Variants in KNDC1 observed in about 807,000 individuals in gnomAD.
The protein encoded by KNDC1 is kinase non-catalytic C-lobe domain-containing protein 1.
KNDC1 carries 106 observed loss-of-function variants against 172.8 expected under a neutral mutation model. The observed-to-expected ratio is 0.61, with a 90% CI of 0.52 to 0.72. KNDC1 has a LOEUF of 0.72. KNDC1 is among the 30% of genes least tolerant of loss of function. The pLI, the probability that KNDC1 is intolerant of heterozygous loss-of-function variation, is 0.00. For missense variants in KNDC1, 2,325 were observed against 2,394.5 expected (o/e 0.97, Z 0.61); for synonymous variants, 1,083 against 1,062.2 (o/e 1.02, Z -0.38).
At chr10:133,202,651 T>G (rs976735663) in intron 17 of KNDC1, 5 of 456,672 alleles carry the variant, frequency 1.1e-5, no homozygotes, top group Middle Eastern at 3.3e-4. Flanking sequence ...ATCGGAGCCC[T>G]TCCTGGGGCT....
At chr10:133,204,767 C>T (rs1486851347) in intron 17 of KNDC1, among the ~76,000 whole-genome samples, 3 of 152,342 alleles carry the variant, frequency 2.0e-5, no homozygotes, top group African/African-American at 4.8e-5. Context: ...GAGCCAACCG[C>T]ACTTCACAAA....
chr10:133,189,634 A>T lies in KNDC1; in HGVS notation c.1478A>T (p.Asp493Val), dbSNP rs775656852. ...CTGGACTCCGTGCTGGTTGCTGAGG[A>T]CGGGGCTGTGCTCTTCCAGCCACCC... ...LCLDSVLVAE[D>V]GAVLFQPPPA... The change falls in exon 8 of 30, where the codon GAC becomes GTC. Residue 493 changes from aspartate to valine, a missense_variant. Asp to Val is a radical substitution (Grantham distance 152). Transcript: ENST00000304613. The T allele has an allele frequency of 1.9e-6, 3 of 1,613,576 alleles. No individual in the cohort carries two copies. The highest frequency in any genetic ancestry group is 2.5e-6 in the Non-Finnish European group (3 of 1,179,950).
rs776771830 is a variant in KNDC1 at position 133,186,191 on chromosome 10, C to T, written c.843C>T (p.Leu281=). 1.7e-5 allele frequency: 27 copies of T among 1,572,580 alleles called. No individual in the cohort carries two copies. In the Admixed American group the frequency reaches 2.7e-4, roughly 16 times the overall value. The change falls in exon 6 of 30, where the codon CTC becomes CTT. Residue 281 remains leucine (L), a synonymous_variant. Coordinates refer to ENST00000304613, the MANE Select transcript of KNDC1 (RefSeq NM_152643.8). ...ACAGCCGGGAGGGGCTGGCCGGCCTCGTCCTGGATGCCGAGCGCACCCTCG... is the reference window on the plus strand; with the variant it reads ...ACAGCCGGGAGGGGCTGGCCGGCCTTGTCCTGGATGCCGAGCGCACCCTCG... The part of the protein sequence containing the change: ...ESHSREGLAG[L]VLDAERTLGE...
intron 29 of KNDC1, among the ~76,000 whole-genome samples, chr10:133,221,252 C>T (rs960511366): frequency 9.9e-5 from 15 of 152,156 alleles, no homozygotes; most frequent in African/African-American, 3.6e-4. Flanking sequence ...AGTCCTCAGC[C>T]TGTTCCTGTG....
In KNDC1 at chr10:133,219,034, T is replaced by A; in HGVS notation, c.4804T>A (p.Trp1602Arg). Residue 1602 changes from tryptophan (W) to arginine (R), a missense_variant, in exon 28 of 30, where the codon TGG becomes AGG. Coordinates refer to ENST00000304613, the MANE Select transcript of KNDC1 (RefSeq NM_152643.8). ...EHLAVRQSPA[W>R]RILPAKIAEV... ...CTCACCTGTGCTTTCATTTCAGGCC[T>A]GGAGAATTCTGCCTGCAAAGATAGC... 6.2e-7 allele frequency: 1 copy of A among 1,614,012 alleles called. No individual in the cohort carries two copies. Among genetic ancestry groups the A allele is most frequent in the Non-Finnish European group, 8.5e-7 (1 of 1,179,970 alleles).
rs1845428143 is a variant in KNDC1 at position 133,214,098 on chromosome 10, G to A, written c.4653G>A (p.Glu1551=). ...ADDVSTWVAA[E]IVTSHTSKLQ... ...ACGTCAGCACCTGGGTGGCTGCAGAGATTGTGACCAGCCACACCTCCAAGG... is the reference window on the plus strand; with the variant it reads ...ACGTCAGCACCTGGGTGGCTGCAGAAATTGTGACCAGCCACACCTCCAAGG... The change falls in exon 26 of 30, where the codon GAG becomes GAA. Residue 1551 remains glutamate (E), a synonymous_variant. Transcript: ENST00000304613. The A allele has an allele frequency of 6.2e-7, 1 of 1,614,078 alleles. No individual in the cohort carries two copies. The highest frequency in any genetic ancestry group is 8.5e-7 in the Non-Finnish European group (1 of 1,179,994).
Position 133,201,106 on chromosome 10 carries a change from C to T in KNDC1, c.2990-395C>T, listed in dbSNP as rs181097565. ...GAAAGCCCTGCACAGGGGAAGCTCC[C>T]GCAGGGACAGAGCTGGGGACCACTT... On this transcript the variant is annotated intron_variant, in intron 16 of 29. Coordinates refer to ENST00000304613, the MANE Select transcript of KNDC1 (RefSeq NM_152643.8). Among the ~76,000 whole-genome samples, 931 of 152,308 alleles carry T rather than the reference C, an allele frequency of 6.1e-3. 11 individuals carry two copies. The highest frequency in any genetic ancestry group is 7.4e-3 in the Non-Finnish European group (502 of 68,004).
At chr10:133,162,760 A>C (rs1853018669) in intron 1 of KNDC1, among the ~76,000 whole-genome samples, 1 of 152,248 alleles carries the variant, frequency 6.6e-6, no homozygotes. Flanking sequence ...GGGAGGACAA[A>C]TGGAGCAGCC....
intron 3 of KNDC1, among the ~76,000 whole-genome samples, chr10:133,181,315 C>A (rs1853710635): frequency 6.6e-6 from 1 of 152,258 alleles, no homozygotes; most frequent in Admixed American, 6.5e-5. Context: ...GGGAGGCGGA[C>A]CCTGGCCCAG....
intron 17 of KNDC1, 177 bp downstream of exon 17, chr10:133,202,075 G>A (rs1854390899): frequency 3.9e-6 from 3 of 760,448 alleles, no homozygotes; most frequent in South Asian, 1.5e-5. Context: ...TCCCTGGGCT[G>A]AGCTCCACGT....
intron 5 of KNDC1, among the ~76,000 whole-genome samples, chr10:133,184,386 GCA>G (rs947551534): frequency 3.8e-4 from 43 of 114,008 alleles, no homozygotes; most frequent in African/African-American, 1.1e-3. Flanking sequence ...CACATGCTGC[GCA>G]CACACACGCA....
chr10:133,160,920 G>A (rs1453302698), intron 1 of KNDC1, among the ~76,000 whole-genome samples: 1 of 151,996 alleles, frequency 6.6e-6, no homozygotes, highest in African/African-American at 2.4e-5. Flanking sequence ...CAGAGCAGCA[G>A]AGTCCAATCA....
chr10:133,167,636 C>A, intron 2 of KNDC1, 57 bp downstream of exon 2: 3 of 1,512,248 alleles, frequency 2.0e-6, no homozygotes, highest in Non-Finnish European at 2.7e-6. Context: ...AGGTGCCTTT[C>A]AGGGGGGATG....
chr10:133,200,298 G>A, intron 15 of KNDC1, 77 bp from the exon 16 acceptor site: 2 of 1,151,096 alleles, frequency 1.7e-6, no homozygotes, highest in Admixed American at 3.1e-5. Context: ...GTGTGGGCCT[G>A]TGGGCCCCGC....
intron 1 of KNDC1, among the ~76,000 whole-genome samples, chr10:133,161,736 C>A (rs1204038747): frequency 6.6e-6 from 1 of 152,130 alleles, no homozygotes; most frequent in Admixed American, 6.5e-5. Flanking sequence ...CGGCTCTGAC[C>A]GAGAGGGAGG....
chr10:133,168,520 G>A (rs1454126213), intron 3 of KNDC1, among the ~76,000 whole-genome samples: 1 of 151,918 alleles, frequency 6.6e-6, no homozygotes. Context: ...TCTGTGGGCA[G>A]CTCGGACTGT....
rs1845697252 is a variant in KNDC1, at chr10:133,225,250, C to T, written c.*360C>T. ...TACCCAGCTCTCAGTGACTCCCCCA[C>T]AAAACAGCAACAGCCTCCACCGCCA... is the stretch of plus-strand genomic sequence containing the variant. On this transcript the variant is annotated 3_prime_UTR_variant, in exon 30 of 30. Coordinates refer to ENST00000304613, the MANE Select transcript of KNDC1 (RefSeq NM_152643.8). 1 of 254,228 alleles carries T rather than the reference C, an allele frequency of 3.9e-6. No homozygotes were observed. Among genetic ancestry groups the T allele is most frequent in the Non-Finnish European group, 7.7e-6 (1 of 130,198 alleles). The allele number at this position is 254,228 out of a possible 1,614,324, so 15.7% of individuals were successfully genotyped here.
intron 22 of KNDC1, 35 bp downstream of exon 22, chr10:133,211,604 G>C (rs373275978): frequency 7.3e-5 from 117 of 1,603,702 alleles, no homozygotes; most frequent in Non-Finnish European, 9.3e-5. Context: ...GCCGCACCCG[G>C]GGCTCCCACA....
intron 3 of KNDC1, among the ~76,000 whole-genome samples, chr10:133,182,301 C>T (rs1455189603): frequency 2.6e-5 from 4 of 152,300 alleles, no homozygotes; most frequent in South Asian, 2.1e-4. Context: ...GCCCAGGACA[C>T]GGATGCGCGT....
Sources: allele counts gnomAD v4.1 joint callset (sites outside exome capture counted in the v4.1 genomes callset), GRCh38; gene constraint gnomAD v4.1.1; transcripts MANE v1.5; gene names NCBI Gene and HGNC (gene_info 2026-07-23, HGNC 2026-07-21).